ROBO2: variants seen among roughly 807,000 people sequenced by gnomAD.
ROBO2 encodes roundabout homolog 2.
A neutral mutation model predicts 160.8 loss-of-function variants in ROBO2; 53 were observed. The observed-to-expected ratio is 0.33, with a 90% CI of 0.26 to 0.41. The LOEUF is 0.41. Among genes scored for constraint, ROBO2 ranks in the 10% least tolerant of loss-of-function variants. ROBO2 has a pLI of 1.00. For missense variants in ROBO2, 1,577 were observed against 1,722.4 expected (o/e 0.92, Z 1.49); for synonymous variants, 664 against 611.7 (o/e 1.09, Z -1.26).
At chr3:75,958,003 A>G (rs1416472343) in intron 2 of ROBO2, among the ~76,000 whole-genome samples, 2 of 151,704 alleles carry the variant, frequency 1.3e-5, no homozygotes, top group Admixed American at 6.6e-5. Context: ...ATTTTCCTTC[A>G]TGTGGAATCT....
intron 2 of ROBO2, among the ~76,000 whole-genome samples, chr3:76,198,254 C>T (rs1702355415): frequency 6.6e-6 from 1 of 151,036 alleles, no homozygotes; most frequent in African/African-American, 2.4e-5. Context: ...TCATCACACC[C>T]TCCTCCCTCA....
At chr3:76,830,466 C>A (rs890652874) in intron 2 of ROBO2, among the ~76,000 whole-genome samples, 1 of 152,066 alleles carries the variant, frequency 6.6e-6, no homozygotes, top group Non-Finnish European at 1.5e-5. Flanking sequence ...ATGCAAATAT[C>A]TAATATCATC....
At chr3:76,422,826 A>G (rs2076049438) in intron 2 of ROBO2, among the ~76,000 whole-genome samples, 1 of 152,216 alleles carries the variant, frequency 6.6e-6, no homozygotes, top group African/African-American at 2.4e-5. Context: ...CCACTCATCC[A>G]TAAAATCTTA....
At chr3:77,281,652 G>A (rs1032215768) in intron 2 of ROBO2, among the ~76,000 whole-genome samples, 1 of 152,122 alleles carries the variant, frequency 6.6e-6, no homozygotes, top group South Asian at 2.1e-4. Flanking sequence ...TATCACCTAT[G>A]TGCATCCTTC....
At chr3:75,909,009 T>C (rs1259401171) in intron 1 of ROBO2, among the ~76,000 whole-genome samples, 1 of 152,216 alleles carries the variant, frequency 6.6e-6, no homozygotes, top group Non-Finnish European at 1.5e-5. Flanking sequence ...TCAGATTCCG[T>C]GGCAACACTG....
At chr3:76,763,442 A>G (rs748951086) in intron 2 of ROBO2, among the ~76,000 whole-genome samples, 2 of 151,750 alleles carry the variant, frequency 1.3e-5, no homozygotes, top group Non-Finnish European at 2.9e-5. Flanking sequence ...CTAGCTGTCC[A>G]TTATTTATTT....
chr3:76,436,824 CT>C (rs2076704799), intron 2 of ROBO2, among the ~76,000 whole-genome samples: 1 of 152,136 alleles, frequency 6.6e-6, no homozygotes, highest in Non-Finnish European at 1.5e-5. Flanking sequence ...TGGAAGGTAA[CT>C]TTAGCTTGAC....
At chr3:77,639,598 A>G (rs1187215956) in intron 24 of ROBO2, among the ~76,000 whole-genome samples, 2 of 152,204 alleles carry the variant, frequency 1.3e-5, no homozygotes. Context: ...CTTATTTGAT[A>G]AAAAGGAAAG....
At chr3:76,520,773 G>T (rs886472108) in intron 2 of ROBO2, among the ~76,000 whole-genome samples, 2 of 151,900 alleles carry the variant, frequency 1.3e-5, no homozygotes, top group Non-Finnish European at 2.9e-5. Context: ...TCCACATCTT[G>T]ACAAAACAAA....
At chr3:77,149,848 C>A (rs1165142633) in intron 2 of ROBO2, among the ~76,000 whole-genome samples, 1 of 150,130 alleles carries the variant, frequency 6.7e-6, no homozygotes, top group African/African-American at 2.5e-5. Context: ...TTGTGGTTCT[C>A]ATTTCCTTTC....
chr3:76,407,511 A>T (rs1292267779), intron 2 of ROBO2, among the ~76,000 whole-genome samples: 2 of 151,906 alleles, frequency 1.3e-5, no homozygotes, highest in Non-Finnish European at 2.9e-5. Flanking sequence ...ATGGCATAAA[A>T]ATGGGAAAAA....
intron 2 of ROBO2, among the ~76,000 whole-genome samples, chr3:76,669,110 T>G (rs533049716): frequency 3.8e-4 from 58 of 152,128 alleles, no homozygotes; most frequent in Non-Finnish European, 6.8e-4. Flanking sequence ...CAGGCTCCTC[T>G]GACCCTACGG....
In ROBO2 at chr3:77,112,166, G is replaced by T. The variant is rs1349224643; in HGVS notation, c.388+13826G>T. Among the ~76,000 whole-genome samples the T allele has an allele frequency of 2.3e-5, 3 of 133,148 alleles. No homozygotes were observed. The Admixed American group carries it at 2.5e-4, about 11-fold the overall frequency. The allele number at this position is 133,148 out of a possible 152,430, so 87.4% of individuals were successfully genotyped here. A position where few individuals can be genotyped will look rare whatever the true frequency, so the allele number is the denominator to read the frequency against. On this transcript the variant is annotated intron_variant, in intron 2 of 25. Coordinates refer to ENST00000461745, the Ensembl canonical transcript of ROBO2. ...GAGATCGCGCCGCCGTCGCATTCCA[G>T]CCTGGGTGACAGAGCGAGACTCGTC...
chr3:76,795,901 C>T (rs1291375359), intron 2 of ROBO2, among the ~76,000 whole-genome samples: 1 of 152,096 alleles, frequency 6.6e-6, no homozygotes, highest in African/African-American at 2.4e-5. Flanking sequence ...GTTGTATACA[C>T]ATTGATCCAT....
At chr3:76,400,007 G>A (rs996046172) in intron 2 of ROBO2, among the ~76,000 whole-genome samples, 16 of 151,602 alleles carry the variant, frequency 1.1e-4, no homozygotes, top group Admixed American at 9.2e-4. Flanking sequence ...ATTACGACAA[G>A]TGTAGCAACT....
chr3:77,217,110 C>CTCCT (rs752938634), intron 2 of ROBO2, among the ~76,000 whole-genome samples: 6 of 150,150 alleles, frequency 4.0e-5, no homozygotes, highest in Admixed American at 1.3e-4. Flanking sequence ...TTTCTTTTTT[C>CTCCT]TCCTTCCTTC....
intron 21 of ROBO2, among the ~76,000 whole-genome samples, chr3:77,610,707 G>C (rs371572235): frequency 3.5e-5 from 4 of 114,168 alleles, no homozygotes; most frequent in African/African-American, 1.3e-4. Flanking sequence ...GTGATTTTCT[G>C]TGCAAATGGA....
At chr3:76,421,149 C>G (rs1474621211) in intron 2 of ROBO2, among the ~76,000 whole-genome samples, 2 of 151,500 alleles carry the variant, frequency 1.3e-5, no homozygotes, top group African/African-American at 4.9e-5. Flanking sequence ...AATGCTGTAA[C>G]AAATCAAACA....
chr3:77,240,577 G>A (rs12490136), intron 2 of ROBO2, among the ~76,000 whole-genome samples: 46,734 of 152,086 alleles, frequency 0.31, 7,614 homozygotes, highest in Non-Finnish European at 0.36. Context: ...TGGCCAGAGC[G>A]GACACCGTGG....
Sources: allele counts gnomAD v4.1 joint callset (sites outside exome capture counted in the v4.1 genomes callset), GRCh38; gene constraint gnomAD v4.1.1; transcripts MANE v1.5; gene names NCBI Gene and HGNC (gene_info 2026-07-23, HGNC 2026-07-21).